HCFC2: variants seen among roughly 807,000 people sequenced by gnomAD.
HCFC2 encodes host cell factor 2.
Under a neutral mutation model 89.2 loss-of-function variants are expected in HCFC2, and 18 were observed. That is an observed-to-expected ratio of 0.20 (90% CI 0.14 to 0.30). The LOEUF (loss-of-function observed/expected upper bound fraction) is 0.30. Ranked by LOEUF, HCFC2 falls within the 10% of genes least tolerant of loss-of-function variation. The pLI, the probability that HCFC2 is intolerant of heterozygous loss-of-function variation, is 1.00. For missense variants in HCFC2, 578 were observed against 956.1 expected (o/e 0.60, Z 5.21); for synonymous variants, 308 against 335.7 (o/e 0.92, Z 0.90).
At chr12:104,071,214 AC>A (rs1260902255) in intron 3 of HCFC2, among the ~76,000 whole-genome samples, 3 of 152,258 alleles carry the variant, frequency 2.0e-5, no homozygotes, top group African/African-American at 2.4e-5. Flanking sequence ...TATTCTTTCA[AC>A]AGCACTATCC....
intron 3 of HCFC2, among the ~76,000 whole-genome samples, chr12:104,071,107 A>G (rs1203827926): frequency 6.6e-6 from 1 of 152,188 alleles, no homozygotes; most frequent in African/African-American, 2.4e-5. Flanking sequence ...CGCCCGGCCA[A>G]TACTTTTACT....
rs1341426264 is a variant in HCFC2, at chr12:104,105,469, CTGTG to C, written c.*2197_*2200del. The C allele has an allele frequency of 1.3e-5, 2 of 151,958 alleles. No individual in the cohort carries two copies. Among genetic ancestry groups the C allele is most frequent in the Non-Finnish European group, 2.9e-5 (2 of 67,896 alleles). 9.4% of individuals were successfully genotyped at this position (151,958 alleles called of 1,614,324 possible). ...TCTGGATCAGGAGGTGATTCTGAAC[CTGTG>C]GTTCTAACATATGACTTAACTGTTT... On this transcript the variant is annotated 3_prime_UTR_variant, in exon 15 of 15. Coordinates refer to ENST00000229330, the MANE Select transcript of HCFC2 (RefSeq NM_013320.3).
chr12:104,089,843 G>C (rs531914914), intron 9 of HCFC2, among the ~76,000 whole-genome samples: 2 of 152,122 alleles, frequency 1.3e-5, no homozygotes, highest in South Asian at 4.1e-4. Flanking sequence ...TTTTCTTCTT[G>C]TCTATCATTA....
At chr12:104,084,418 C>T (rs1291342897) in intron 7 of HCFC2, among the ~76,000 whole-genome samples, 2 of 151,958 alleles carry the variant, frequency 1.3e-5, no homozygotes, top group African/African-American at 4.8e-5. Context: ...CATAAAAAGG[C>T]CAGAGAAACC....
intron 3 of HCFC2, among the ~76,000 whole-genome samples, chr12:104,078,121 C>G (rs1217811535): frequency 6.6e-6 from 1 of 152,132 alleles, no homozygotes; most frequent in African/African-American, 2.4e-5. Flanking sequence ...GCCTCAGCCT[C>G]CCGAGTAGCT....
In HCFC2 at chr12:104,089,385, G is replaced by C. The variant is rs181572792; in HGVS notation, c.1284+1347G>C. Among the ~76,000 whole-genome samples the C allele has an allele frequency of 5.9e-5, 9 of 152,138 alleles. No homozygotes were observed. In the East Asian group the frequency reaches 1.5e-3, roughly 26 times the overall value. On this transcript the variant is annotated intron_variant, in intron 9 of 14. Transcript: ENST00000229330. ...CAAAAAATTAGCCGGGCATGGTGGC[G>C]GGTGCCTGTAGTCCCAGCTACTTGG... is the stretch of plus-strand genomic sequence containing the variant.
At position 104,095,010 on chromosome 12, in the gene HCFC2, G is replaced by A. The variant is rs925265846; in HGVS notation, c.1463-350G>A. On this transcript the variant is annotated intron_variant, in intron 10 of 14. Transcript: ENST00000229330. This position sits in a 1 kb window ranked among gnomAD's most constrained non-coding sequence, Gnocchi z 4.2. ...ATTATTAGTACAATTCTAGTTTGCA[G>A]CCAGAGAAGGCAGAAAATTGAGATA... Among the ~76,000 whole-genome samples, 1 of 152,132 alleles carries A rather than the reference G, an allele frequency of 6.6e-6. No homozygotes were observed. Among genetic ancestry groups the A allele is most frequent in the Non-Finnish European group, 1.5e-5 (1 of 68,006 alleles).
chr12:104,082,985 A>G (rs1417567427), intron 7 of HCFC2, 84 bp downstream of exon 7: 1 of 919,592 alleles, frequency 1.1e-6, no homozygotes, highest in Admixed American at 2.4e-5. Context: ...TGTAAATGCT[A>G]CTACCTCTTG....
At chr12:104,065,353 G>A (rs1259738963) in intron 1 of HCFC2, 1 of 152,294 alleles carries the variant, frequency 6.6e-6, no homozygotes. Context: ...CATAACTTGA[G>A]CACCACTGCA....
chr12:104,093,501 C>T lies in HCFC2; in HGVS notation c.1400C>T (p.Ser467Phe). The T allele has an allele frequency of 6.2e-7, 1 of 1,613,024 alleles. No individual in the cohort carries two copies. The highest frequency in any genetic ancestry group is 8.5e-7 in the Non-Finnish European group (1 of 1,179,258). The part of the protein sequence containing the change: ...LTDSNAILYP[S>F]LASNASNHNS... The stretch of plus-strand genomic sequence containing the variant: ...GATTCTAATGCCATTTTATATCCAT[C>T]TTTGGCATCAAATGCTTCTAATCAT... Residue 467 changes from serine (S) to phenylalanine (F), a missense_variant, in exon 10 of 15, where the codon TCT becomes TTT. Around this residue, in one of 4 missense-constraint regions of HCFC2, gnomAD observed 210 missense variants for 251.7 expected, o/e 0.83. Transcript: ENST00000229330.
At chr12:104,065,043 A>C in intron 1 of HCFC2, 1 of 265,822 alleles carries the variant, frequency 3.8e-6, no homozygotes, top group Non-Finnish European at 7.0e-6. Flanking sequence ...CGCCTGGGCC[A>C]CTCCCCGAAA....
At chr12:104,096,530 G>A in intron 12 of HCFC2, 97 bp downstream of exon 12, 1 of 782,110 alleles carries the variant, frequency 1.3e-6, no homozygotes, top group South Asian at 1.9e-5. Flanking sequence ...AGATTCTCAG[G>A]TCTCAGTAAT....
chr12:104,079,675 C>G (rs774569780), intron 4 of HCFC2, 22 bp downstream of exon 4: 1 of 1,565,090 alleles, frequency 6.4e-7, no homozygotes, highest in Non-Finnish European at 8.8e-7. Flanking sequence ...TTGATTCAGG[C>G]TCAGGAATAG....
In HCFC2 at chr12:104,102,940, T is replaced by C. The variant is rs2029992946; in HGVS notation, c.2065-19T>C. ...GAAACTTAAGAACCTTTAACCTGTT[T>C]TTTCCCCCCCCCTTCAAGAATGTTG... is the stretch of plus-strand genomic sequence containing the variant. On this transcript the variant is annotated intron_variant, in intron 14 of 14. Transcript: ENST00000229330. 1 of 1,588,546 alleles carries C rather than the reference T, an allele frequency of 6.3e-7. No individual in the cohort carries two copies. The highest frequency in any genetic ancestry group is 8.6e-7 in the Non-Finnish European group (1 of 1,163,524).
rs1275225733 is a variant in HCFC2, at chr12:104,068,516, A to T, written c.473+409A>T. Reference sequence around the variant, plus strand: ...ATTTGGCGACAAAACTCTGACTATAAAATGAAAGCTATCATTTCCATGTTT... The same window carrying T: ...ATTTGGCGACAAAACTCTGACTATATAATGAAAGCTATCATTTCCATGTTT... On this transcript the variant is annotated intron_variant, in intron 3 of 14. Coordinates refer to ENST00000229330, the MANE Select transcript of HCFC2 (RefSeq NM_013320.3). This position sits in a 1 kb window ranked among gnomAD's most constrained non-coding sequence, Gnocchi z 4.1. Among the ~76,000 whole-genome samples the T allele has an allele frequency of 6.6e-6, 1 of 152,234 alleles. No individual in the cohort carries two copies. Among genetic ancestry groups the T allele is most frequent in the Non-Finnish European group, 1.5e-5 (1 of 68,046 alleles).
chr12:104,091,744 T>C (rs183749570), intron 9 of HCFC2, among the ~76,000 whole-genome samples: 1 of 152,364 alleles, frequency 6.6e-6, no homozygotes, highest in Non-Finnish European at 1.5e-5. Context: ...ACTTACTGGC[T>C]ACCTGGCTGT....
At chr12:104,070,801 C>CTTTTTT (rs35437369) in intron 3 of HCFC2, among the ~76,000 whole-genome samples, 6 of 125,008 alleles carry the variant, frequency 4.8e-5, no homozygotes, top group Non-Finnish European at 8.4e-5. Flanking sequence ...ATACTTTTTA[C>CTTTTTT]TTTTTTTTTT....
At chr12:104,087,479 A>G (rs76969069) in intron 8 of HCFC2, among the ~76,000 whole-genome samples, 6 of 139,100 alleles carry the variant, frequency 4.3e-5, no homozygotes, top group East Asian at 2.1e-4. Flanking sequence ...ATATATATAT[A>G]TATATGTATA....
At position 104,093,517 on chromosome 12, in the gene HCFC2, T is replaced by A. The variant is rs138874026; in HGVS notation, c.1416T>A (p.Ala472=). Residue 472 remains alanine, a synonymous_variant, in exon 10 of 15, where the codon GCT becomes GCA. Coordinates refer to ENST00000229330, the MANE Select transcript of HCFC2 (RefSeq NM_013320.3). ...AILYPSLASN[A]SNHNSHVVDM... The stretch of plus-strand genomic sequence containing the variant: ...TATATCCATCTTTGGCATCAAATGC[T>A]TCTAATCATAATAGTCATGTGGTGG... 2 of 1,613,130 alleles carry A rather than the reference T, an allele frequency of 1.2e-6. No individual in the cohort carries two copies. The highest frequency in any genetic ancestry group is 2.7e-5 in the African/African-American group (2 of 74,916).
Sources: allele counts gnomAD v4.1 joint callset (sites outside exome capture counted in the v4.1 genomes callset), GRCh38; gene constraint gnomAD v4.1.1; regional missense constraint gnomAD v4.1.1; non-coding constraint Gnocchi (gnomAD v3.1); transcripts MANE v1.5; gene names NCBI Gene and HGNC (gene_info 2026-07-23, HGNC 2026-07-21).